TANC2: variants seen among roughly 807,000 people sequenced by gnomAD.
TANC2 encodes protein TANC2.
Under a neutral mutation model 210.5 loss-of-function variants are expected in TANC2, and 26 were observed. That is an observed-to-expected ratio of 0.12 (90% CI 0.09 to 0.17). The LOEUF (loss-of-function observed/expected upper bound fraction) is 0.17. Ranked by LOEUF, TANC2 falls within the 10% of genes least tolerant of loss-of-function variation. The pLI is 1.00. For synonymous variants in TANC2, 931 were observed against 967.1 expected, an observed-to-expected ratio of 0.96 and a Z score of 0.69; for missense variants, 2,129 against 2,608.9, an observed-to-expected ratio of 0.82 and a Z score of 4.01.
chr17:62,987,102 G>A (rs2032608653), intron 1 of TANC2, among the ~76,000 whole-genome samples: 1 of 152,138 alleles, frequency 6.6e-6, no homozygotes, highest in South Asian at 2.1e-4. Flanking sequence ...GGGAGTACAT[G>A]CAACAGTTTG....
intron 7 of TANC2, among the ~76,000 whole-genome samples, chr17:63,215,968 G>T (rs2042015892): frequency 6.6e-6 from 1 of 152,200 alleles, no homozygotes; most frequent in East Asian, 1.9e-4. Context: ...AGCCAGGATG[G>T]TCTCAATCTC....
At chr17:63,422,233 G>C (rs779899976) in exon 28 of TANC2, 22 of 346,800 alleles carry the variant, frequency 6.3e-5, no homozygotes, top group Admixed American at 1.8e-4. Context: ...CTTTAACCCA[G>C]GGAGATCAGA....
chr17:63,306,418 C>G (rs571446486), intron 9 of TANC2, among the ~76,000 whole-genome samples: 1 of 152,292 alleles, frequency 6.6e-6, no homozygotes, highest in East Asian at 1.9e-4. Context: ...TCTCTTGATT[C>G]CCTTCTTCAA....
chr17:63,032,922 C>A (rs1296719497), intron 2 of TANC2, among the ~76,000 whole-genome samples: 1 of 152,156 alleles, frequency 6.6e-6, no homozygotes, highest in East Asian at 1.9e-4. Flanking sequence ...TTCTTCTGAC[C>A]TACAAGCTAT....
At chr17:63,276,530 T>G (rs1169568474) in intron 9 of TANC2, among the ~76,000 whole-genome samples, 1 of 151,898 alleles carries the variant, frequency 6.6e-6, no homozygotes, top group African/African-American at 2.4e-5. Flanking sequence ...CCAAAGATCT[T>G]TGTTCTCTTT....
intron 1 of TANC2, among the ~76,000 whole-genome samples, chr17:62,991,828 A>G (rs531200048): frequency 2.0e-5 from 3 of 152,264 alleles, no homozygotes; most frequent in South Asian, 4.1e-4. Context: ...GAGACTGACT[A>G]GGACCCTAAA....
At chr17:63,181,878 C>T (rs2040796958) in intron 5 of TANC2, among the ~76,000 whole-genome samples, 1 of 152,204 alleles carries the variant, frequency 6.6e-6, no homozygotes, top group South Asian at 2.1e-4. Flanking sequence ...TTCTCATCTA[C>T]CTTCAGCTTC....
At chr17:63,278,737 A>G (rs1466320891) in intron 9 of TANC2, among the ~76,000 whole-genome samples, 1 of 152,190 alleles carries the variant, frequency 6.6e-6, no homozygotes, top group African/African-American at 2.4e-5. Context: ...ATGTTAAAGG[A>G]TGAATGGATC....
intron 7 of TANC2, among the ~76,000 whole-genome samples, chr17:63,222,075 G>T (rs12601995): frequency 3.0e-4 from 46 of 152,220 alleles, no homozygotes; most frequent in Non-Finnish European, 5.4e-4. Context: ...TGAAGAATGG[G>T]AAGTCCTGGA....
In TANC2 at chr17:63,077,558, C is replaced by T. The variant is rs74504179; in HGVS notation, c.139+3544C>T. On this transcript the variant is annotated intron_variant, in intron 3 of 27. Transcript: ENST00000689528. ...AAATGAGATTGGTAGAAACCTGATG[C>T]AATTAATTGTCTTTAGAAAAGTTTT... 3.1e-3 allele frequency among the ~76,000 whole-genome samples: 470 copies of T among 152,182 alleles called. 3 individuals are homozygous for T. Among genetic ancestry groups the T allele is most frequent in the East Asian group, 0.021 (108 of 5,174 alleles).
chr17:63,289,027 T>A (rs1374466415), intron 9 of TANC2, among the ~76,000 whole-genome samples: 1 of 152,196 alleles, frequency 6.6e-6, no homozygotes, highest in African/African-American at 2.4e-5. Context: ...CTCTTCTTGC[T>A]TGCTTGGTTT....
At chr17:63,124,979 C>CACTG (rs1052677776) in intron 4 of TANC2, 1 of 152,178 alleles carries the variant, frequency 6.6e-6, no homozygotes, top group Non-Finnish European at 1.5e-5. Flanking sequence ...GATTGGGGAC[C>CACTG]ACTGATACAT....
At chr17:63,389,689 T>A (rs1336565535) in intron 17 of TANC2, 145 bp downstream of exon 17, 2 of 805,050 alleles carry the variant, frequency 2.5e-6, no homozygotes, top group African/African-American at 3.4e-5. Context: ...GTGCTGGTTC[T>A]GCATATGTGC....
intron 8 of TANC2, among the ~76,000 whole-genome samples, chr17:63,246,929 G>A (rs1170769568): frequency 2.0e-5 from 3 of 152,004 alleles, no homozygotes; most frequent in African/African-American, 4.8e-5. Flanking sequence ...CATTCCCACC[G>A]GCAGTGTACA....
intron 8 of TANC2, among the ~76,000 whole-genome samples, chr17:63,257,480 C>T (rs895937776): frequency 6.6e-6 from 1 of 152,116 alleles, no homozygotes; most frequent in Non-Finnish European, 1.5e-5. Context: ...ACCTCAGCCT[C>T]TCTAGTAACT....
chr17:63,371,983 G>A (rs2047282241), intron 14 of TANC2, among the ~76,000 whole-genome samples: 1 of 152,112 alleles, frequency 6.6e-6, no homozygotes, highest in Non-Finnish European at 1.5e-5. Context: ...TTTGCTCTCT[G>A]CTATCCTGGA....
chr17:63,282,971 A>G (rs905318476), intron 9 of TANC2, among the ~76,000 whole-genome samples: 1 of 151,958 alleles, frequency 6.6e-6, no homozygotes, highest in Non-Finnish European at 1.5e-5. Flanking sequence ...TAGATGTCCA[A>G]CTTGTGAATT....
intron 1 of TANC2, among the ~76,000 whole-genome samples, chr17:62,991,540 T>C (rs2032864113): frequency 1.3e-5 from 2 of 150,508 alleles, no homozygotes; most frequent in Admixed American, 6.6e-5. Flanking sequence ...CTCGGGAGGC[T>C]GAGGCAGGAG....
At position 63,135,368 on chromosome 17, in the gene TANC2, G is replaced by A. The variant is rs181711497; in HGVS notation, c.323-15902G>A. Among the ~76,000 whole-genome samples, 525 of 152,288 alleles carry A rather than the reference G, an allele frequency of 3.4e-3. 3 individuals carry two copies. Among genetic ancestry groups the A allele is most frequent in the Non-Finnish European group, 5.6e-3 (379 of 68,018 alleles). The stretch of plus-strand genomic sequence containing the variant: ...ATTTTGAGATATTTATTGAGAAGGT[G>A]AGAGTTACTCAACAAAGAAAGACAG... On this transcript the variant is annotated intron_variant, in intron 4 of 27. Transcript: ENST00000689528.
Sources: gnomAD v4.1 joint callset for allele counts (sites outside exome capture counted in the v4.1 genomes callset) on GRCh38, gnomAD v4.1.1 for gene constraint, MANE v1.5 for transcripts, NCBI Gene and HGNC (gene_info 2026-07-23, HGNC 2026-07-21) for gene names.